JMJD1C: variants seen among roughly 807,000 people sequenced by gnomAD.
JMJD1C encodes the protein jumonji domain containing 1C.
A neutral mutation model predicts 245.3 loss-of-function variants in JMJD1C; 31 were observed. The observed-to-expected ratio is 0.13, with a 90% CI of 0.09 to 0.17. JMJD1C has a LOEUF of 0.17. Among genes scored for constraint, JMJD1C ranks in the 10% least tolerant of loss-of-function variants. JMJD1C has a pLI of 1.00. For synonymous variants in JMJD1C, 1,057 were observed against 1,017.4 expected (o/e 1.04, Z -0.74); for missense variants, 2,691 against 3,000.2 (o/e 0.90, Z 2.41).
intron 14 of JMJD1C, chr10:63,193,731 A>C (rs770617500): frequency 1.3e-4 from 31 of 240,684 alleles, no homozygotes; most frequent in Non-Finnish European, 2.0e-4. Flanking sequence ...CAGTGGCGCC[A>C]TCTGGGCTCA....
intron 2 of JMJD1C, among the ~76,000 whole-genome samples, chr10:63,334,275 GT>G (rs1564799551): frequency 6.6e-6 from 1 of 152,114 alleles, no homozygotes; most frequent in Admixed American, 6.6e-5. Context: ...AATGACTGAT[GT>G]AACTCTTTTT....
intron 2 of JMJD1C, among the ~76,000 whole-genome samples, chr10:63,368,119 A>G (rs1433828122): frequency 6.6e-6 from 1 of 152,222 alleles, no homozygotes; most frequent in Non-Finnish European, 1.5e-5. Flanking sequence ...GTGGAGCACA[A>G]GACTGGAGCT....
At chr10:63,438,246 A>C (rs926548748) in intron 1 of JMJD1C, among the ~76,000 whole-genome samples, 2 of 152,192 alleles carry the variant, frequency 1.3e-5, no homozygotes, top group South Asian at 4.1e-4. Context: ...TGGTAACTCT[A>C]TGTTTTGCAG....
intron 3 of JMJD1C, among the ~76,000 whole-genome samples, chr10:63,260,654 G>A (rs1003453852): frequency 2.6e-5 from 4 of 151,944 alleles, no homozygotes; most frequent in East Asian, 3.9e-4. Context: ...CAGTGGCGCG[G>A]TCTCGGCTCA....
intron 2 of JMJD1C, among the ~76,000 whole-genome samples, chr10:63,288,898 TA>T (rs1248888214): frequency 0.015 from 1,152 of 78,428 alleles, 13 homozygotes; most frequent in African/African-American, 0.048. Flanking sequence ...ACAATAATAA[TA>T]ATAATAATAA....
chr10:63,244,648 G>C (rs1589265210), intron 3 of JMJD1C, among the ~76,000 whole-genome samples: 1 of 152,224 alleles, frequency 6.6e-6, no homozygotes, highest in South Asian at 2.1e-4. Context: ...AAAACAGAGT[G>C]ATCTCCAAGA....
At chr10:63,319,989 C>T (rs914361582) in intron 2 of JMJD1C, among the ~76,000 whole-genome samples, 2 of 152,208 alleles carry the variant, frequency 1.3e-5, no homozygotes, top group Non-Finnish European at 2.9e-5. Flanking sequence ...TGGTTTCAAA[C>T]TCCTGACCTC....
At chr10:63,208,995 A>G (rs1846995840) in intron 9 of JMJD1C, 68 bp downstream of exon 9, 2 of 1,350,244 alleles carry the variant, frequency 1.5e-6, no homozygotes, top group Non-Finnish European at 2.0e-6. Flanking sequence ...AAAATTAACT[A>G]TTTAAAAGGC....
At chr10:63,238,600 C>A (rs776641470) in intron 3 of JMJD1C, among the ~76,000 whole-genome samples, 1 of 152,122 alleles carries the variant, frequency 6.6e-6, no homozygotes, top group Non-Finnish European at 1.5e-5. Flanking sequence ...ACCTCTATAA[C>A]AAATTGTTCC....
chr10:63,242,352 GT>G (rs1422718952), intron 3 of JMJD1C, among the ~76,000 whole-genome samples: 1 of 152,158 alleles, frequency 6.6e-6, no homozygotes, highest in Non-Finnish European at 1.5e-5. Context: ...TTAAAATTTA[GT>G]TTTATTTAAT....
At chr10:63,361,649 C>T (rs1945334875) in intron 2 of JMJD1C, among the ~76,000 whole-genome samples, 1 of 146,968 alleles carries the variant, frequency 6.8e-6, no homozygotes, top group Non-Finnish European at 1.5e-5. Flanking sequence ...TAACCTACTC[C>T]AGAGGCTGCA....
chr10:63,230,770 C>T (rs1354563357), intron 3 of JMJD1C, among the ~76,000 whole-genome samples: 9 of 135,848 alleles, frequency 6.6e-5, no homozygotes, highest in Admixed American at 2.3e-4. Context: ...GTGAGACTGT[C>T]CCCCCCCCCA....
chr10:63,303,814 C>T (rs181185878), intron 2 of JMJD1C, among the ~76,000 whole-genome samples: 76 of 152,010 alleles, frequency 5.0e-4, no homozygotes, highest in African/African-American at 1.8e-3. Flanking sequence ...AGCTCATTGC[C>T]CCAGAAAGCC....
chr10:63,417,476 T>A (rs1357664780), intron 1 of JMJD1C, among the ~76,000 whole-genome samples: 1 of 152,178 alleles, frequency 6.6e-6, no homozygotes, highest in Non-Finnish European at 1.5e-5. Context: ...CAATTACAAA[T>A]GAACAATTTT....
chr10:63,216,439 G>A (rs763281022), intron 5 of JMJD1C, among the ~76,000 whole-genome samples: 3 of 152,182 alleles, frequency 2.0e-5, no homozygotes, highest in East Asian at 1.9e-4. Context: ...AGCCGGGCGC[G>A]GTGGCTCACG....
Position 63,183,575 on chromosome 10 carries a change from T to C in JMJD1C, c.6962-6A>G, listed in dbSNP as rs771989931. 9 of 1,520,754 alleles carry C rather than the reference T, an allele frequency of 5.9e-6. No individual in the cohort carries two copies. Among genetic ancestry groups the C allele is most frequent in the African/African-American group, 1.4e-5 (1 of 71,126 alleles). The allele number at this position is 1,520,754 out of a possible 1,614,324, so 94.2% of individuals were successfully genotyped here. On this transcript the variant is annotated splice_region_variant and splice_polypyrimidine_tract_variant and intron_variant, in intron 21 of 25. Coordinates refer to ENST00000399262, the MANE Select transcript of JMJD1C (RefSeq NM_032776.3). ...ATCTTTAGCAGCAACTACACCTGTATATAAAACAAAATTTTACTTGACAAA... is the reference window on the plus strand; with the variant it reads ...ATCTTTAGCAGCAACTACACCTGTACATAAAACAAAATTTTACTTGACAAA...
rs113478578 is a variant in JMJD1C, at chr10:63,490,417, A to ATT, written n.113+31319_113+31320dup. Among the ~76,000 whole-genome samples, 232 of 118,528 alleles carry ATT rather than the reference A, an allele frequency of 2.0e-3. 3 individuals are homozygous for ATT. The highest frequency in any genetic ancestry group is 2.2e-3 in the African/African-American group (65 of 29,350). The allele number at this position is 118,528 out of a possible 152,430, so 77.8% of individuals were successfully genotyped here. On this transcript the variant is annotated intron_variant and non_coding_transcript_variant, in intron 1 of 3. Coordinates refer to the JMJD1C transcript ENST00000633035. ...TAGCACAATCTATAATTATTTATTTATTTTATTTTTTTTTTTTGAGACAAA... is the reference window on the plus strand; with the variant it reads ...TAGCACAATCTATAATTATTTATTTATTTTTTATTTTTTTTTTTTGAGACAAA...
chr10:63,413,625 CA>C (rs1454186076), intron 1 of JMJD1C, among the ~76,000 whole-genome samples: 1 of 151,898 alleles, frequency 6.6e-6, no homozygotes, highest in Non-Finnish European at 1.5e-5. Context: ...TTAGCTGAGA[CA>C]AAAAACGGTT....
At chr10:63,216,271 T>A (rs945513925) in intron 5 of JMJD1C, among the ~76,000 whole-genome samples, 9 of 152,176 alleles carry the variant, frequency 5.9e-5, no homozygotes, top group Non-Finnish European at 4.4e-5. Context: ...ATAAAGGCGC[T>A]CTATCAGATA....
Sources: gnomAD v4.1 joint callset for allele counts (sites outside exome capture counted in the v4.1 genomes callset) on GRCh38, gnomAD v4.1.1 for gene constraint, MANE v1.5 for transcripts, NCBI Gene and HGNC (gene_info 2026-07-23, HGNC 2026-07-21) for gene names.